Variants in FRMD4B observed in about 807,000 individuals in gnomAD.
The protein encoded by FRMD4B is FERM domain-containing protein 4B.
Under a neutral mutation model 141.5 loss-of-function variants are expected in FRMD4B, and 74 were observed. The ratio of observed to expected loss-of-function variants is 0.52; its 90% CI spans 0.43 to 0.63. The LOEUF is 0.63. Ranked by LOEUF, FRMD4B falls within the 30% of genes least tolerant of loss-of-function variation. FRMD4B has a pLI of 0.00. For synonymous variants in FRMD4B, 506 were observed against 467.9 expected (o/e 1.08, Z -1.05); for missense variants, 1,366 against 1,253.4 (o/e 1.09, Z -1.36).
At chr3:69,475,822 A>G (rs889585395) in intron 1 of FRMD4B, among the ~76,000 whole-genome samples, 1 of 151,780 alleles carries the variant, frequency 6.6e-6, no homozygotes. Context: ...ATTCCCACCA[A>G]CAGTGTAAAA....
At chr3:69,180,508 G>A (rs565190991) in intron 21 of FRMD4B, among the ~76,000 whole-genome samples, 4 of 152,112 alleles carry the variant, frequency 2.6e-5, no homozygotes, top group South Asian at 2.1e-4. Flanking sequence ...TTTAAGAGAT[G>A]TGCCTGTCAA....
chr3:69,404,174 G>A (rs1446725280), intron 2 of FRMD4B, among the ~76,000 whole-genome samples: 2 of 152,254 alleles, frequency 1.3e-5, no homozygotes, highest in Admixed American at 1.3e-4. Flanking sequence ...TGAGATTACA[G>A]GCCTGAACCA....
At chr3:69,522,240 G>C (rs1700865164) in intron 1 of FRMD4B, among the ~76,000 whole-genome samples, 1 of 152,008 alleles carries the variant, frequency 6.6e-6, no homozygotes, top group Non-Finnish European at 1.5e-5. Context: ...TTCCAGATCT[G>C]ATGCAGGTCA....
At chr3:69,536,331 G>C in intron 1 of FRMD4B, 1 of 661,150 alleles carries the variant, frequency 1.5e-6, no homozygotes, top group Non-Finnish European at 2.8e-6. Context: ...ATTTGAAGCT[G>C]CCAGTGGCCC....
intron 1 of FRMD4B, among the ~76,000 whole-genome samples, chr3:69,501,489 C>T (rs997154489): frequency 6.6e-6 from 1 of 152,148 alleles, no homozygotes; most frequent in African/African-American, 2.4e-5. Flanking sequence ...AGGACAGTGC[C>T]TGACATGAGG....
intron 1 of FRMD4B, among the ~76,000 whole-genome samples, chr3:69,455,336 G>A (rs1309997948): frequency 6.6e-6 from 1 of 152,196 alleles, no homozygotes; most frequent in Non-Finnish European, 1.5e-5. Context: ...ATAAATTTTT[G>A]CAGTTGCTTG....
chr3:69,185,259 C>T (rs2092752872), intron 19 of FRMD4B, among the ~76,000 whole-genome samples: 1 of 149,052 alleles, frequency 6.7e-6, no homozygotes, highest in Non-Finnish European at 1.5e-5. Context: ...TGAGATGGCA[C>T]CACTGCACTC....
intron 1 of FRMD4B, among the ~76,000 whole-genome samples, chr3:69,524,603 G>A (rs76451161): frequency 6.6e-6 from 1 of 152,164 alleles, no homozygotes; most frequent in Non-Finnish European, 1.5e-5. Flanking sequence ...TCCACACAAA[G>A]GTAGGGGAAC....
chr3:69,481,223 T>C (rs535639151), intron 1 of FRMD4B, among the ~76,000 whole-genome samples: 79 of 152,082 alleles, frequency 5.2e-4, no homozygotes, highest in Middle Eastern at 3.4e-3. Flanking sequence ...CCCACTGTCC[T>C]GCGCCCACTG....
intron 1 of FRMD4B, among the ~76,000 whole-genome samples, chr3:69,447,541 A>G (rs991244872): frequency 6.6e-6 from 1 of 152,256 alleles, no homozygotes; most frequent in African/African-American, 2.4e-5. Flanking sequence ...CAATCAAGAT[A>G]TGGAATATTT....
Position 69,181,016 on chromosome 3 carries a change from G to C in FRMD4B, c.2734C>G (p.Gln912Glu), listed in dbSNP as rs746153581. 6.2e-7 allele frequency: 1 copy of C among 1,613,962 alleles called. No individual in the cohort carries two copies. The highest frequency in any genetic ancestry group is 8.5e-7 in the Non-Finnish European group (1 of 1,179,844). The change falls in exon 21 of 23, where the codon CAG becomes GAG. Residue 912 changes from glutamine (Q) to glutamate (E), a missense_variant. Physicochemically the swap from Gln to Glu is conservative, Grantham distance 29. Transcript: ENST00000398540. ...AAGCTGGTCTGCGGGCTGTGTCCCT[G>C]ATCCTTCTGCCCAGAGGCCCGCTGG... ...WYQRASGQKD[Q>E]GHSPQTSFDS...
intron 5 of FRMD4B, among the ~76,000 whole-genome samples, chr3:69,265,634 T>A (rs2093557777): frequency 6.6e-6 from 1 of 151,270 alleles, no homozygotes; most frequent in Non-Finnish European, 1.5e-5. Flanking sequence ...TTTTTAGTAG[T>A]GACGGGGTTT....
chr3:69,195,343 C>G lies in FRMD4B; in HGVS notation c.1256G>C (p.Ser419Thr). The change falls in exon 15 of 23, where the codon AGT (serine) becomes ACT (threonine). Residue 419 changes from serine to threonine, a missense_variant. By Grantham distance (58) the Ser-to-Thr change is moderately conservative (BLOSUM62 1). Transcript: ENST00000398540. ...ISSGSQDSEV[S>T]EEQKREKILE... ...GATTTTTTCTCTCTTTTGCTCTTCA[C>G]TAACTTCTGAGTCTTGAGAACCTAG... The G allele has an allele frequency of 6.2e-7, 1 of 1,612,698 alleles. No homozygotes were observed. The highest frequency in any genetic ancestry group is 2.2e-5 in the East Asian group (1 of 44,880).
At chr3:69,254,224 C>A (rs1411052364) in intron 5 of FRMD4B, among the ~76,000 whole-genome samples, 1 of 152,084 alleles carries the variant, frequency 6.6e-6, no homozygotes, top group South Asian at 2.1e-4. Flanking sequence ...CCTGCCTCAG[C>A]CTCCCAAGTA....
intron 1 of FRMD4B, among the ~76,000 whole-genome samples, chr3:69,516,389 G>C (rs779334101): frequency 6.6e-5 from 10 of 152,146 alleles, no homozygotes; most frequent in Non-Finnish European, 1.0e-4. Flanking sequence ...ATCCTAATAA[G>C]AGAAAGGAGG....
chr3:69,285,990 A>C (rs1450602122), intron 5 of FRMD4B, among the ~76,000 whole-genome samples: 1 of 152,254 alleles, frequency 6.6e-6, no homozygotes, highest in African/African-American at 2.4e-5. Context: ...AAGCAAGAAG[A>C]TAGTGAATCA....
At chr3:69,446,442 C>G (rs1474474127) in intron 1 of FRMD4B, among the ~76,000 whole-genome samples, 1 of 152,102 alleles carries the variant, frequency 6.6e-6, no homozygotes, top group East Asian at 1.9e-4. Context: ...AACTGATTCT[C>G]CTGCCTCAGC....
chr3:69,321,718 GA>G (rs1702004397), intron 1 of FRMD4B, among the ~76,000 whole-genome samples: 1 of 37,422 alleles, frequency 2.7e-5, no homozygotes, highest in Non-Finnish European at 6.8e-5. Flanking sequence ...ATTCACAAAT[GA>G]TTTTTTTTTT....
At chr3:69,513,615 C>A (rs1187644447) in intron 1 of FRMD4B, among the ~76,000 whole-genome samples, 1 of 151,982 alleles carries the variant, frequency 6.6e-6, no homozygotes, top group Non-Finnish European at 1.5e-5. Context: ...TGACCAATAT[C>A]CCTAAAAAAT....
Sources: gnomAD v4.1 joint callset for allele counts (sites outside exome capture counted in the v4.1 genomes callset) on GRCh38, gnomAD v4.1.1 for gene constraint, MANE v1.5 for transcripts, NCBI Gene and HGNC (gene_info 2026-07-23, HGNC 2026-07-21) for gene names.